Variants in GMEB2 observed in about 807,000 individuals in gnomAD.
GMEB2 encodes glucocorticoid modulatory element-binding protein 2.
In GMEB2, 7 loss-of-function variants were observed where a neutral mutation model predicts 45.7. The observed-to-expected ratio is 0.15, with a 90% CI of 0.09 to 0.29. The LOEUF (loss-of-function observed/expected upper bound fraction) is 0.29. GMEB2 is among the 10% of genes least tolerant of loss of function. The pLI is 1.00. For missense variants in GMEB2, 582 were observed against 739.2 expected (o/e 0.79, Z 2.47); for synonymous variants, 322 against 323.6 (o/e 1.00, Z 0.05).
rs551432804 is a variant in GMEB2, at chr20:63,593,622, C to T, written c.620-540G>A. Among the ~76,000 whole-genome samples, 2 of 152,298 alleles carry T rather than the reference C, an allele frequency of 1.3e-5. No individual in the cohort carries two copies. Among genetic ancestry groups the T allele is most frequent in the East Asian group, 3.9e-4 (2 of 5,188 alleles). ...GAGACAGAAACCGTCCTGGCTCTTC[C>T]TGTGGGTCCCTCTCTCGCGCCTGCA... On this transcript the variant is annotated intron_variant, in intron 6 of 9. Coordinates refer to ENST00000370077, the MANE Select transcript of GMEB2 (RefSeq NM_012384.5). The surrounding 1 kb of genome is among the most constrained non-coding windows in gnomAD (Gnocchi z 4.7).
chr20:63,626,181 G>A lies in GMEB2; in HGVS notation c.-58+775C>T, dbSNP rs888009963. Among the ~76,000 whole-genome samples the A allele has an allele frequency of 7.9e-5, 12 of 152,368 alleles. 2 individuals carry two copies. The South Asian group carries it at 2.3e-3, about 29-fold the overall frequency. ...AGCCTACAGTGACGCGGGCCCCTGTGGGGTGGTCCCTGCAGGTCAGGTCCC... is the reference window on the plus strand; with the variant it reads ...AGCCTACAGTGACGCGGGCCCCTGTAGGGTGGTCCCTGCAGGTCAGGTCCC... On this transcript the variant is annotated intron_variant, in intron 1 of 9. Coordinates refer to ENST00000370077, the MANE Select transcript of GMEB2 (RefSeq NM_012384.5).
intron 4 of GMEB2, among the ~76,000 whole-genome samples, chr20:63,598,166 A>C (rs1418036547): frequency 6.6e-6 from 1 of 152,236 alleles, no homozygotes; most frequent in Non-Finnish European, 1.5e-5. Flanking sequence ...TCCTCCAGGC[A>C]GACTAAGCAA....
chr20:63,597,427 G>A (rs1205776975), intron 5 of GMEB2, among the ~76,000 whole-genome samples: 1 of 152,090 alleles, frequency 6.6e-6, no homozygotes, highest in Non-Finnish European at 1.5e-5. Flanking sequence ...GCCTCCTAAA[G>A]TGTTGGGATT....
chr20:63,600,386 G>A (rs73315864), intron 4 of GMEB2, among the ~76,000 whole-genome samples: 1 of 151,752 alleles, frequency 6.6e-6, no homozygotes, highest in Non-Finnish European at 1.5e-5. Flanking sequence ...AGACTGTGGA[G>A]CATGCAGCTG....
Position 63,627,065 on chromosome 20 carries a change from TCGG to T in GMEB2, c.-170_-168del, listed in dbSNP as rs891700034. 8 of 151,392 alleles carry T rather than the reference TCGG, an allele frequency of 5.3e-5. No individual in the cohort carries two copies. The highest frequency in any genetic ancestry group is 3.9e-4 in the East Asian group (2 of 5,112). 9.4% of individuals were successfully genotyped at this position (151,392 alleles called of 1,614,324 possible). ...GCGGGCTTCGCTCCTTGTTGGGGAT[TCGG>T]CGGCGGCGGCGGCGCGGGCGCGCGC... On this transcript the variant is annotated 5_prime_UTR_variant, in exon 1 of 10. Coordinates refer to ENST00000370077, the MANE Select transcript of GMEB2 (RefSeq NM_012384.5).
chr20:63,596,361 C>G (rs2083200936), intron 5 of GMEB2, among the ~76,000 whole-genome samples: 1 of 152,246 alleles, frequency 6.6e-6, no homozygotes, highest in African/African-American at 2.4e-5. Context: ...TCCGGAGGTC[C>G]AGGGTCTCAG....
chr20:63,594,613 G>A (rs936589541), intron 6 of GMEB2, among the ~76,000 whole-genome samples: 1 of 152,196 alleles, frequency 6.6e-6, no homozygotes, highest in African/African-American at 2.4e-5. Flanking sequence ...GGACGTCCCT[G>A]GGCACACAGG....
chr20:63,626,744 C>CCGCCGCCCGCGCCCGCCACCGCCCG (rs992223387), intron 1 of GMEB2, among the ~76,000 whole-genome samples: 1 of 148,026 alleles, frequency 6.8e-6, no homozygotes, highest in African/African-American at 2.4e-5. Context: ...GCAGGAAGCG[C>CCGCCGCCCGCGCCCGCCACCGCCCG]CGCCGCCCGC....
chr20:63,600,455 C>G (rs576451388), intron 4 of GMEB2, among the ~76,000 whole-genome samples: 1 of 151,596 alleles, frequency 6.6e-6, no homozygotes, highest in African/African-American at 2.4e-5. Flanking sequence ...CGGTGGCTCA[C>G]GCCTGTAATC....
Position 63,589,466 on chromosome 20 carries a change from G to A in GMEB2, c.*623C>T, listed in dbSNP as rs896334406. 1 of 324,218 alleles carries A rather than the reference G, an allele frequency of 3.1e-6. No homozygotes were observed. Among genetic ancestry groups the A allele is most frequent in the Non-Finnish European group, 5.6e-6 (1 of 179,018 alleles). 20.1% of individuals were successfully genotyped at this position (324,218 alleles called of 1,614,324 possible). A position where few individuals can be genotyped will look rare whatever the true frequency, so the allele number is the denominator to read the frequency against. ...CCCCTGGGCCACCTGAGCACCGGCT[G>A]GGGGCGGGGGAGGCAGGCACCCATC... is the stretch of plus-strand genomic sequence containing the variant. On this transcript the variant is annotated 3_prime_UTR_variant, in exon 10 of 10. Transcript: ENST00000370077.
intron 3 of GMEB2, among the ~76,000 whole-genome samples, chr20:63,603,786 C>G (rs1037488327): frequency 4.0e-5 from 6 of 150,158 alleles, no homozygotes; most frequent in Non-Finnish European, 8.9e-5. Flanking sequence ...GGCGAGGTGG[C>G]TCACACCTGT....
rs2089631391 is a variant in GMEB2 at position 63,619,471 on chromosome 20, AGG to A, written c.-57-19_-57-18del. 2.7e-6 allele frequency: 4 copies of A among 1,494,234 alleles called. No individual in the cohort carries two copies. The East Asian group carries it at 9.2e-5, about 34-fold the overall frequency. 92.6% of individuals were successfully genotyped at this position (1,494,234 alleles called of 1,614,324 possible). ...TCCCAAGTCCTGGAGGAAGCAAGGC[AGG>A]GCACAGGGATGGAGTCATCTCCACA... On this transcript the variant is annotated intron_variant, in intron 1 of 9. Transcript: ENST00000370077. The surrounding 1 kb of genome is among the most constrained non-coding windows in gnomAD (Gnocchi z 4.6).
In GMEB2 at chr20:63,589,586, C is replaced by G. The variant is rs909378868; in HGVS notation, c.*503G>C. 1 of 184,590 alleles carries G rather than the reference C, an allele frequency of 5.4e-6. No individual in the cohort carries two copies. Among genetic ancestry groups the G allele is most frequent in the East Asian group, 1.3e-4 (1 of 7,530 alleles). 11.4% of individuals were successfully genotyped at this position (184,590 alleles called of 1,614,324 possible). Reference sequence around the variant, plus strand: ...CCTACAGAAAACTGTGGGAAGAAACCAAATCCATAGGATCCAGAGGTTTCA... The same window carrying G: ...CCTACAGAAAACTGTGGGAAGAAACGAAATCCATAGGATCCAGAGGTTTCA... On this transcript the variant is annotated 3_prime_UTR_variant, in exon 10 of 10. Coordinates refer to ENST00000370077, the MANE Select transcript of GMEB2 (RefSeq NM_012384.5).
intron 2 of GMEB2, among the ~76,000 whole-genome samples, chr20:63,606,198 T>C (rs779703193): frequency 9.9e-5 from 15 of 151,858 alleles, no homozygotes; most frequent in Non-Finnish European, 2.2e-4. Context: ...ATAAAAGTAT[T>C]AGAAGGAAAA....
At chr20:63,610,153 T>A (rs2089558050) in intron 2 of GMEB2, among the ~76,000 whole-genome samples, 1 of 152,270 alleles carries the variant, frequency 6.6e-6, no homozygotes, top group East Asian at 1.9e-4. Flanking sequence ...CTGGGTGGGG[T>A]TCCCAGCTGT....
At chr20:63,604,172 C>A (rs1325678536) in intron 3 of GMEB2, among the ~76,000 whole-genome samples, 1 of 148,834 alleles carries the variant, frequency 6.7e-6, no homozygotes, top group East Asian at 1.9e-4. Flanking sequence ...TCGAGACCAG[C>A]CTGGGCAACA....
At chr20:63,610,861 G>A (rs1302796091) in intron 2 of GMEB2, among the ~76,000 whole-genome samples, 4 of 152,210 alleles carry the variant, frequency 2.6e-5, no homozygotes, top group Non-Finnish European at 5.9e-5. Context: ...GCTTTGAAGA[G>A]CTTTGACCAA....
intron 4 of GMEB2, among the ~76,000 whole-genome samples, chr20:63,599,900 T>A (rs553272716): frequency 6.6e-6 from 1 of 152,174 alleles, no homozygotes; most frequent in South Asian, 2.1e-4. Flanking sequence ...CCTCAACACT[T>A]GTGTATATTT....
At chr20:63,612,361 G>A (rs904162095) in intron 2 of GMEB2, among the ~76,000 whole-genome samples, 57 of 152,132 alleles carry the variant, frequency 3.7e-4, no homozygotes, top group Admixed American at 2.6e-4. Flanking sequence ...GCCACCGCAC[G>A]CTCAGTAGGG....
Sources: allele counts gnomAD v4.1 joint callset (sites outside exome capture counted in the v4.1 genomes callset), GRCh38; gene constraint gnomAD v4.1.1; non-coding constraint Gnocchi (gnomAD v3.1); transcripts MANE v1.5; gene names NCBI Gene and HGNC (gene_info 2026-07-23, HGNC 2026-07-21).